Variants in ATP13A4 observed in about 807,000 individuals in gnomAD.
ATP13A4 encodes the protein ATPase 13A4, also known as probable cation-transporting ATPase 13A4.
A neutral mutation model predicts 142.5 loss-of-function variants in ATP13A4; 114 were observed. The observed-to-expected ratio is 0.80, with a 90% CI of 0.69 to 0.93. The LOEUF (loss-of-function observed/expected upper bound fraction) is 0.93. ATP13A4 is among the 40% of genes least tolerant of loss of function. The pLI, the probability that ATP13A4 is intolerant of heterozygous loss-of-function variation, is 0.00. For synonymous variants in ATP13A4, 488 were observed against 514.8 expected (o/e 0.95, Z 0.70); for missense variants, 1,392 against 1,454.0 (o/e 0.96, Z 0.69).
chr3:193,440,524 C>A, intron 21 of ATP13A4, 34 bp downstream of exon 21: 1 of 1,613,068 alleles, frequency 6.2e-7, no homozygotes, highest in Non-Finnish European at 8.5e-7. Context: ...TGCCTCCATG[C>A]AGTTCATGCC....
At chr3:193,431,874 T>G (rs544030688) in intron 25 of ATP13A4, among the ~76,000 whole-genome samples, 21 of 152,048 alleles carry the variant, frequency 1.4e-4, no homozygotes, top group African/African-American at 4.8e-4. Context: ...TGCCTCCTAC[T>G]GAACAACTGC....
intron 2 of ATP13A4, among the ~76,000 whole-genome samples, chr3:193,568,939 G>A (rs375283015): frequency 3.3e-5 from 5 of 152,304 alleles, no homozygotes; most frequent in East Asian, 1.9e-4. Context: ...ACAAATGGGC[G>A]AGAAGAGATA....
At chr3:193,549,931 C>A (rs1232030964) in intron 1 of ATP13A4, among the ~76,000 whole-genome samples, 1 of 152,122 alleles carries the variant, frequency 6.6e-6, no homozygotes, top group Non-Finnish European at 1.5e-5. Flanking sequence ...ATGATGCAAA[C>A]AAACGGATGA....
intron 2 of ATP13A4, among the ~76,000 whole-genome samples, chr3:193,564,976 C>T (rs923959660): frequency 5.3e-5 from 8 of 152,214 alleles, no homozygotes; most frequent in Non-Finnish European, 1.0e-4. Context: ...TGAACTGTCA[C>T]TGTTTCCCGT....
At chr3:193,451,974 C>A (rs1353470220) in intron 17 of ATP13A4, among the ~76,000 whole-genome samples, 1 of 152,072 alleles carries the variant, frequency 6.6e-6, no homozygotes, top group Non-Finnish European at 1.5e-5. Flanking sequence ...GTGTTTAGAC[C>A]ATACAAGATT....
intron 28 of ATP13A4, 132 bp downstream of exon 28, chr3:193,410,850 T>A (rs2108602590): frequency 1.5e-6 from 1 of 645,442 alleles, no homozygotes; most frequent in East Asian, 2.8e-5. Context: ...AATTTAGCAT[T>A]TTTTTTAGCT....
Position 193,470,869 on chromosome 3 carries a change from G to A in ATP13A4, c.933C>T (p.Gly311=). 1 of 1,614,068 alleles carries A rather than the reference G, an allele frequency of 6.2e-7. No homozygotes were observed. Residue 311 remains glycine, a synonymous_variant, in exon 9 of 30, where the codon GGC becomes GGT. Coordinates refer to ENST00000342695, the MANE Select transcript of ATP13A4 (RefSeq NM_032279.4). ...GAGATGGAACTGTACCTGTCAGCAT[G>A]CCTTCATCCACCACACAGCTGCCTT... ...LIEGSCVVDE[G]MLTGESIPVT...
At chr3:193,511,583 GACAC>G (rs745655299) in intron 2 of ATP13A4, among the ~76,000 whole-genome samples, 2 of 151,832 alleles carry the variant, frequency 1.3e-5, no homozygotes, top group African/African-American at 4.8e-5. Flanking sequence ...CTTGAGCAAT[GACAC>G]ACACACACAC....
At chr3:193,468,046 G>A (rs1718404711) in intron 9 of ATP13A4, among the ~76,000 whole-genome samples, 1 of 152,166 alleles carries the variant, frequency 6.6e-6, no homozygotes, top group Non-Finnish European at 1.5e-5. Flanking sequence ...AGGTGTGGTG[G>A]CACATGCCTG....
chr3:193,500,521 C>T (rs182629586), intron 3 of ATP13A4, among the ~76,000 whole-genome samples: 171 of 152,286 alleles, frequency 1.1e-3, no homozygotes, highest in African/African-American at 3.9e-3. Context: ...GATCATCAGG[C>T]AATCATTAGA....
At chr3:193,408,554 T>G (rs1039092776) in intron 28 of ATP13A4, among the ~76,000 whole-genome samples, 1 of 152,226 alleles carries the variant, frequency 6.6e-6, no homozygotes, top group African/African-American at 2.4e-5. Flanking sequence ...TCAGATCTTC[T>G]GCTGCTGGGA....
At chr3:193,450,368 C>A (rs1717208259) in intron 17 of ATP13A4, among the ~76,000 whole-genome samples, 1 of 152,126 alleles carries the variant, frequency 6.6e-6, no homozygotes, top group African/African-American at 2.4e-5. Context: ...CTGTTGGGAC[C>A]ATTTTTTGCC....
At chr3:193,483,408 T>C (rs188183112) in intron 8 of ATP13A4, among the ~76,000 whole-genome samples, 17 of 152,298 alleles carry the variant, frequency 1.1e-4, no homozygotes, top group African/African-American at 3.6e-4. Context: ...TATAAGTATG[T>C]TAAGTTTACC....
chr3:193,476,372 T>G lies in ATP13A4; in HGVS notation c.809-5379A>C, dbSNP rs1032273855. 2.8e-4 allele frequency among the ~76,000 whole-genome samples: 43 copies of G among 152,058 alleles called. 1 individual carries two copies. The highest frequency in any genetic ancestry group is 9.7e-4 in the African/African-American group (40 of 41,346). ...GTTTTCTTACCTCTCTCAGCCTTCG[T>G]AGAATTAAAGAGTTAGGGCCTGACT... On this transcript the variant is annotated intron_variant, in intron 8 of 29. Transcript: ENST00000342695.
chr3:193,458,866 A>G, intron 14 of ATP13A4: 1 of 648,846 alleles, frequency 1.5e-6, no homozygotes, highest in Non-Finnish European at 2.7e-6. Flanking sequence ...TTACTGCATC[A>G]TCTCATTTAA....
Position 193,514,848 on chromosome 3 carries a change from T to C in ATP13A4, c.84A>G (p.Gln28=), listed in dbSNP as rs751263983. The C allele has an allele frequency of 3.2e-5, 52 of 1,614,030 alleles. No individual in the cohort carries two copies. The highest frequency in any genetic ancestry group is 4.3e-5 in the Non-Finnish European group (51 of 1,180,024). ...CAAGGCAGAGACTTTTCCGGCAGCCTTGAGTCCGATAGCCAAATATCTCCT... is the reference window on the plus strand; with the variant it reads ...CAAGGCAGAGACTTTTCCGGCAGCCCTGAGTCCGATAGCCAAATATCTCCT... ...NEMEIFGYRT[Q]GCRKSLCLAG... The change falls in exon 2 of 30, where the codon CAA becomes CAG. Residue 28 remains glutamine (Q), a synonymous_variant. Coordinates refer to ENST00000342695, the MANE Select transcript of ATP13A4 (RefSeq NM_032279.4).
chr3:193,422,099 A>G (rs1440258571), intron 25 of ATP13A4, among the ~76,000 whole-genome samples: 2 of 149,228 alleles, frequency 1.3e-5, no homozygotes, highest in East Asian at 4.1e-4. Context: ...AAGAGATAGA[A>G]GAAGATATTC....
In ATP13A4 at chr3:193,483,955, G is replaced by C; in HGVS notation, c.789C>G (p.Val263=). The C allele has an allele frequency of 6.2e-7, 1 of 1,606,188 alleles. No individual in the cohort carries two copies. The highest frequency in any genetic ancestry group is 8.5e-7 in the Non-Finnish European group (1 of 1,173,020). The change falls in exon 8 of 30, where the codon GTC becomes GTG. Residue 263 remains valine, a synonymous_variant. Transcript: ENST00000342695. ...ACTTACCTTTTCTCCCACATACAGA[G>C]ACCGTAATGCTATTATGTGACTCGA... ...HLVESHNSIT[V]SVCGRKAGVQ... is the part of the protein sequence containing the mutation.
chr3:193,540,113 T>G (rs756879105), intron 1 of ATP13A4, among the ~76,000 whole-genome samples: 6 of 152,084 alleles, frequency 3.9e-5, no homozygotes, highest in Non-Finnish European at 7.4e-5. Flanking sequence ...TTCACTTTTA[T>G]TTATTCCTCA....
Sources: allele counts gnomAD v4.1 joint callset (sites outside exome capture counted in the v4.1 genomes callset), GRCh38; gene constraint gnomAD v4.1.1; transcripts MANE v1.5; gene names NCBI Gene and HGNC (gene_info 2026-07-23, HGNC 2026-07-21).